Variants in KDM3B observed in about 807,000 individuals in gnomAD.
The protein encoded by KDM3B is lysine-specific demethylase 3B.
A neutral mutation model predicts 170.0 loss-of-function variants in KDM3B; 10 were observed. The ratio of observed to expected loss-of-function variants is 0.06; its 90% CI spans 0.04 to 0.10. The LOEUF (loss-of-function observed/expected upper bound fraction) is 0.10. Among genes scored for constraint, KDM3B ranks in the 10% least tolerant of loss-of-function variants. KDM3B has a pLI of 1.00. For synonymous variants in KDM3B, 831 were observed against 834.8 expected (o/e 1.00, Z 0.08); for missense variants, 1,394 against 2,195.2 (o/e 0.64, Z 7.29).
At chr5:138,408,652 A>G (rs976142484) in intron 11 of KDM3B, among the ~76,000 whole-genome samples, 5 of 152,224 alleles carry the variant, frequency 3.3e-5, no homozygotes, top group African/African-American at 1.2e-4. Context: ...CATCATGAAC[A>G]TAGATGTAAA....
rs749485032 is a variant in KDM3B at position 138,391,735 on chromosome 5, A to G, written c.2103A>G (p.Leu701=). 3.7e-6 allele frequency: 6 copies of G among 1,613,934 alleles called. No individual in the cohort carries two copies. The African/African-American group carries it at 8.0e-5, about 22-fold the overall frequency. The change falls in exon 8 of 24, where the codon CTA becomes CTG. Residue 701 remains leucine (L), a synonymous_variant. Transcript: ENST00000314358. The surrounding 1 kb of genome is among the most constrained non-coding windows in gnomAD (Gnocchi z 5.0). ...TCATTACAACTGACTCCTCCAAGCT[A>G]GTATCTGGTGTTCTGGGCTCAGCTC... ...PLFITTDSSK[L]VSGVLGSALT...
At chr5:138,418,813 T>C in intron 13 of KDM3B, 140 bp from the exon 14 acceptor site, 3 of 824,062 alleles carry the variant, frequency 3.6e-6, no homozygotes, top group Non-Finnish European at 3.9e-6. Flanking sequence ...AAATATATGT[T>C]GAATTAAATA....
At chr5:138,422,502 T>C (rs975293030) in intron 15 of KDM3B, among the ~76,000 whole-genome samples, 2 of 152,052 alleles carry the variant, frequency 1.3e-5, no homozygotes, top group Non-Finnish European at 1.5e-5. Context: ...TAGCCAGGCA[T>C]GATGGCACAT....
At chr5:138,353,973 C>T (rs575775570) in intron 1 of KDM3B, among the ~76,000 whole-genome samples, 21 of 152,120 alleles carry the variant, frequency 1.4e-4, no homozygotes, top group South Asian at 4.2e-4. Context: ...CGTGTTGGGG[C>T]AGGGGGTGGT....
intron 1 of KDM3B, among the ~76,000 whole-genome samples, chr5:138,365,990 T>G (rs1761735980): frequency 6.6e-6 from 1 of 152,058 alleles, no homozygotes; most frequent in Non-Finnish European, 1.5e-5. Flanking sequence ...AGAGTGATAC[T>G]GTCTCAAATA....
At chr5:138,387,733 G>A (rs1762309435) in intron 7 of KDM3B, among the ~76,000 whole-genome samples, 1 of 152,116 alleles carries the variant, frequency 6.6e-6, no homozygotes, top group African/African-American at 2.4e-5. Flanking sequence ...AACCAGGTGA[G>A]GATCTTATAT....
intron 1 of KDM3B, among the ~76,000 whole-genome samples, chr5:138,353,478 G>C (rs1411924794): frequency 6.6e-6 from 1 of 152,212 alleles, no homozygotes; most frequent in Non-Finnish European, 1.5e-5. Context: ...GCTGCAGTTG[G>C]AGCTGGTCGG....
intron 15 of KDM3B, among the ~76,000 whole-genome samples, chr5:138,422,746 A>G (rs1763303641): frequency 6.6e-6 from 1 of 152,166 alleles, no homozygotes; most frequent in South Asian, 2.1e-4. Flanking sequence ...TTCTCGAGAT[A>G]TTATCATATG....
At chr5:138,414,273 C>T (rs1763047223) in intron 11 of KDM3B, among the ~76,000 whole-genome samples, 1 of 152,194 alleles carries the variant, frequency 6.6e-6, no homozygotes, top group South Asian at 2.1e-4. Flanking sequence ...TCACGCCATT[C>T]TCCTGCCTCA....
intron 1 of KDM3B, among the ~76,000 whole-genome samples, chr5:138,363,367 T>G (rs1761662680): frequency 6.6e-6 from 1 of 152,186 alleles, no homozygotes; most frequent in African/African-American, 2.4e-5. Context: ...ACGGACTCAC[T>G]GTTAATTTTT....
intron 11 of KDM3B, among the ~76,000 whole-genome samples, chr5:138,408,636 A>G (rs1762885491): frequency 6.6e-6 from 1 of 152,212 alleles, no homozygotes; most frequent in Non-Finnish European, 1.5e-5. Flanking sequence ...TTACAGCCCC[A>G]GTATCCATCA....
intron 22 of KDM3B, among the ~76,000 whole-genome samples, chr5:138,431,169 G>A (rs945486133): frequency 3.2e-4 from 49 of 151,854 alleles, no homozygotes; most frequent in African/African-American, 1.0e-3. Flanking sequence ...TCAAGCCCAG[G>A]CTGGTCTTGA....
At chr5:138,425,730 G>A (rs1467044769) in intron 17 of KDM3B, 148 bp downstream of exon 17, 13 of 712,982 alleles carry the variant, frequency 1.8e-5, no homozygotes, top group East Asian at 5.7e-5. Flanking sequence ...ACAGACAGCC[G>A]GGCGTGGTTG....
At chr5:138,409,064 T>C (rs1421076162) in intron 11 of KDM3B, among the ~76,000 whole-genome samples, 1 of 152,228 alleles carries the variant, frequency 6.6e-6, no homozygotes, top group Non-Finnish European at 1.5e-5. Context: ...AACACAACTA[T>C]GTATAAGTAG....
intron 1 of KDM3B, among the ~76,000 whole-genome samples, chr5:138,368,263 C>T (rs1761793123): frequency 6.7e-6 from 1 of 148,262 alleles, no homozygotes; most frequent in African/African-American, 2.5e-5. Flanking sequence ...GACAGGGTCT[C>T]ACTCTGTTGC....
chr5:138,356,856 A>G (rs1034117166), intron 1 of KDM3B, among the ~76,000 whole-genome samples: 2 of 151,440 alleles, frequency 1.3e-5, no homozygotes, highest in South Asian at 2.1e-4. Context: ...ATTGGCCAGG[A>G]TGGTCTCGAT....
At position 138,419,284 on chromosome 5, in the gene KDM3B, T is replaced by C. The variant is rs1048849360; in HGVS notation, c.3715+52T>C. 3 of 1,557,146 alleles carry C rather than the reference T, an allele frequency of 1.9e-6. No homozygotes were observed. The African/African-American group carries it at 4.1e-5, about 21-fold the overall frequency. On this transcript the variant is annotated intron_variant, in intron 14 of 23. Transcript: ENST00000314358. ...GCCTATGGTAGAAATCATGAGTTTT[T>C]TCCAGGATTCTTTGAACTCACACAT...
intron 1 of KDM3B, among the ~76,000 whole-genome samples, chr5:138,355,389 A>G (rs1035791189): frequency 3.9e-5 from 6 of 152,202 alleles, no homozygotes; most frequent in Non-Finnish European, 7.3e-5. Context: ...ATTAAATGAA[A>G]CCTTTTTTGG....
chr5:138,373,287 C>T (rs1337314550), intron 2 of KDM3B, among the ~76,000 whole-genome samples: 2 of 151,938 alleles, frequency 1.3e-5, no homozygotes, highest in Admixed American at 1.3e-4. Flanking sequence ...CTACAGTGAG[C>T]CGTGATTGTG....
Sources: allele counts gnomAD v4.1 joint callset (sites outside exome capture counted in the v4.1 genomes callset), GRCh38; gene constraint gnomAD v4.1.1; non-coding constraint Gnocchi (gnomAD v3.1); transcripts MANE v1.5; gene names NCBI Gene and HGNC (gene_info 2026-07-23, HGNC 2026-07-21).